The following MUC13 variants were observed in gnomAD, a reference collection of about 807,000 sequenced individuals.
MUC13 encodes the protein mucin 13, cell surface associated.
Under a neutral mutation model 48.3 loss-of-function variants are expected in MUC13, and 32 were observed. The observed-to-expected ratio is 0.66, with a 90% CI of 0.50 to 0.89. The LOEUF (loss-of-function observed/expected upper bound fraction) is 0.89. Ranked by LOEUF, MUC13 falls within the 40% of genes least tolerant of loss-of-function variation. MUC13 has a pLI of 0.00. For synonymous variants in MUC13, 199 were observed against 224.9 expected (o/e 0.88, Z 1.03); for missense variants, 571 against 622.8 (o/e 0.92, Z 0.88).
At chr3:124,925,102 G>A (rs1317974727) in intron 2 of MUC13, among the ~76,000 whole-genome samples, 1 of 152,152 alleles carries the variant, frequency 6.6e-6, no homozygotes, top group Non-Finnish European at 1.5e-5. Context: ...TAGGTGAATG[G>A]ATAAACAAAC....
Position 124,912,141 on chromosome 3 carries a change from C to T in MUC13, c.1215G>A (p.Lys405=). The T allele has an allele frequency of 2.5e-6, 4 of 1,612,886 alleles. No individual in the cohort carries two copies. The highest frequency in any genetic ancestry group is 3.4e-6 in the Non-Finnish European group (4 of 1,179,528). ...CGAGTCCACTGTAGCCAAATGCACACCTGAAATACAGTGAGCAATAGGAAA... is the reference window on the plus strand; with the variant it reads ...CGAGTCCACTGTAGCCAAATGCACATCTGAAATACAGTGAGCAATAGGAAA... ...YQEDANGNCQ[K]CAFGYSGLDC... Residue 405 remains lysine, a splice_region_variant and synonymous_variant, in exon 9 of 12, where the codon AAG becomes AAA. Transcript: ENST00000616727.
chr3:124,923,483 T>C (rs758314875), intron 3 of MUC13, 44 bp downstream of exon 3: 1 of 1,576,468 alleles, frequency 6.3e-7, no homozygotes, highest in East Asian at 2.3e-5. Flanking sequence ...CCACTTTTGG[T>C]GTGAGATACA....
intron 6 of MUC13, among the ~76,000 whole-genome samples, chr3:124,913,957 G>A (rs1935468916): frequency 6.6e-6 from 1 of 152,146 alleles, no homozygotes; most frequent in African/African-American, 2.4e-5. Flanking sequence ...AGCTACTCAG[G>A]AGACTGGAGT....
intron 1 of MUC13, among the ~76,000 whole-genome samples, chr3:124,934,259 C>T (rs916754980): frequency 6.6e-5 from 10 of 152,154 alleles, no homozygotes; most frequent in Admixed American, 2.0e-4. Context: ...CGAGTTCAAG[C>T]GATTCTTTCT....
chr3:124,928,790 A>G (rs1935739339), intron 1 of MUC13, among the ~76,000 whole-genome samples: 2 of 152,222 alleles, frequency 1.3e-5, no homozygotes, highest in South Asian at 4.1e-4. Context: ...CTCAGTGAGG[A>G]CAATTGAGAA....
At chr3:124,928,905 G>A (rs1428396081) in intron 1 of MUC13, among the ~76,000 whole-genome samples, 3 of 151,968 alleles carry the variant, frequency 2.0e-5, no homozygotes, top group African/African-American at 7.3e-5. Context: ...ATTGAGGGAG[G>A]GAAAGGTTAG....
At chr3:124,926,840 CA>C (rs1483985264) in intron 2 of MUC13, among the ~76,000 whole-genome samples, 1 of 152,228 alleles carries the variant, frequency 6.6e-6, no homozygotes, top group East Asian at 1.9e-4. Flanking sequence ...ACATGGCCCA[CA>C]AGGCCATTTA....
intron 6 of MUC13, 73 bp from the exon 7 acceptor site, chr3:124,913,754 CA>C: frequency 1.3e-6 from 2 of 1,558,218 alleles, no homozygotes; most frequent in Non-Finnish European, 1.8e-6. Flanking sequence ...AAAATTACCC[CA>C]CCCCATTGCT....
At position 124,918,659 on chromosome 3, in the gene MUC13, G is replaced by A. The variant is rs1291138787; in HGVS notation, c.800+1575C>T. On this transcript the variant is annotated intron_variant, in intron 5 of 11. Coordinates refer to ENST00000616727, the MANE Select transcript of MUC13 (RefSeq NM_033049.4). ...TTCCGAGAGGTTAGAACACCTGCCT[G>A]GTCACTCAGGGACAAAGTGCCAAGG... Among the ~76,000 whole-genome samples, 10 of 152,188 alleles carry A rather than the reference G, an allele frequency of 6.6e-5. No homozygotes were observed. The South Asian group carries it at 2.1e-3, about 32-fold the overall frequency.
At chr3:124,907,698 C>T (rs928173891) in intron 11 of MUC13, among the ~76,000 whole-genome samples, 2 of 151,344 alleles carry the variant, frequency 1.3e-5, no homozygotes, top group African/African-American at 2.4e-5. Context: ...TGAGATCAAG[C>T]GGCAGGGAAA....
chr3:124,923,116 A>AAC lies in MUC13; in HGVS notation c.637+410_637+411insGT, dbSNP rs1553771868. On this transcript the variant is annotated intron_variant, in intron 3 of 11. Transcript: ENST00000616727. ...TTCATAAAACAGAAAAAAAAAAAAA[A>AAC]CAGAACTCAGACAGTCAGCCCTCAG... Among the ~76,000 whole-genome samples the AAC allele has an allele frequency of 6.6e-5, 10 of 151,410 alleles. No individual in the cohort carries two copies. In the East Asian group the frequency reaches 7.8e-4, roughly 12 times the overall value.
intron 1 of MUC13, among the ~76,000 whole-genome samples, chr3:124,930,379 G>A (rs1935774494): frequency 6.6e-6 from 1 of 151,984 alleles, no homozygotes; most frequent in Non-Finnish European, 1.5e-5. Context: ...ATACACTTGT[G>A]TGTGTCTATG....
chr3:124,908,238 A>T lies in MUC13; in HGVS notation c.1448T>A (p.Val483Asp), dbSNP rs1194035837. Reference protein sequence around the residue: ...GFTNLGAEGSVFPKVRITASR... With the variant: ...GFTNLGAEGSDFPKVRITASR... ...GGCCGTTATCCTGACCTTAGGAAAGACGCTCCCTTCTGCTCCAAGATTGGT... is the reference window on the plus strand; with the variant it reads ...GGCCGTTATCCTGACCTTAGGAAAGTCGCTCCCTTCTGCTCCAAGATTGGT... Residue 483 changes from valine (V) to aspartate (D), a missense_variant, in exon 11 of 12, where the codon GTC becomes GAC. Transcript: ENST00000616727. The T allele has an allele frequency of 1.2e-6, 2 of 1,614,194 alleles. No individual in the cohort carries two copies. The highest frequency in any genetic ancestry group is 4.5e-5 in the East Asian group (2 of 44,886).
chr3:124,933,102 C>T (rs572041084), intron 1 of MUC13, among the ~76,000 whole-genome samples: 1 of 152,096 alleles, frequency 6.6e-6, no homozygotes, highest in African/African-American at 2.4e-5. Flanking sequence ...TCTGGTGAGC[C>T]CTCCCCTCCT....
intron 4 of MUC13, among the ~76,000 whole-genome samples, chr3:124,921,285 G>C (rs907136071): frequency 1.3e-5 from 2 of 152,046 alleles, no homozygotes; most frequent in African/African-American, 4.8e-5. Context: ...GAGTAGCTGG[G>C]ATTACAGGCG....
Position 124,908,167 on chromosome 3 carries a change from T to C in MUC13, c.1519A>G (p.Met507Val). 1 of 1,614,152 alleles carries C rather than the reference T, an allele frequency of 6.2e-7. No homozygotes were observed. Among genetic ancestry groups the C allele is most frequent in the South Asian group, 1.1e-5 (1 of 91,076 alleles). The change falls in exon 11 of 12, where the codon ATG (methionine) becomes GTG (valine). Residue 507 changes from methionine (M) to valine (V), a missense_variant. By Grantham distance (21) the Met-to-Val change is conservative (BLOSUM62 1). Transcript: ENST00000616727. ...MQNPYSRHSS[M>V]PRPDY ...CTCACCTAATAGTCAGGGCGGGGCA[T>C]GCTGCTGTGTCTTGAATAGGGATTT...
In MUC13 at chr3:124,906,257, T is replaced by C. The variant is rs576769568; in HGVS notation, c.*486A>G. 1 of 152,686 alleles carries C rather than the reference T, an allele frequency of 6.5e-6. No individual in the cohort carries two copies. Among genetic ancestry groups the C allele is most frequent in the South Asian group, 2.1e-4 (1 of 4,822 alleles). The allele number at this position is 152,686 out of a possible 1,614,324, so 9.5% of individuals were successfully genotyped here. A position where few individuals can be genotyped will look rare whatever the true frequency, so the allele number is the denominator to read the frequency against. On this transcript the variant is annotated 3_prime_UTR_variant, in exon 12 of 12. Transcript: ENST00000616727. ...TATTCTGACTTGTCAGAGAGTGAGCTTGTGACCCTTGAAAGATGGTGGGTA... is the reference window on the plus strand; with the variant it reads ...TATTCTGACTTGTCAGAGAGTGAGCCTGTGACCCTTGAAAGATGGTGGGTA...
intron 4 of MUC13, among the ~76,000 whole-genome samples, chr3:124,921,243 G>A (rs113952131): frequency 0.025 from 3,747 of 151,890 alleles, 141 homozygotes; most frequent in African/African-American, 0.086. Flanking sequence ...TCCACCTCCT[G>A]GGTTCAAGAG....
chr3:124,928,752 A>G (rs1160387547), intron 1 of MUC13, among the ~76,000 whole-genome samples: 1 of 152,206 alleles, frequency 6.6e-6, no homozygotes, highest in Non-Finnish European at 1.5e-5. Context: ...GTAACTGTAG[A>G]TCAGGGTTTA....
Sources: allele counts gnomAD v4.1 joint callset (sites outside exome capture counted in the v4.1 genomes callset), GRCh38; gene constraint gnomAD v4.1.1; transcripts MANE v1.5; gene names NCBI Gene and HGNC (gene_info 2026-07-23, HGNC 2026-07-21).